The following SLC22A14 variants were observed in gnomAD, a reference collection of about 807,000 sequenced individuals.
SLC22A14 encodes organic cation transporter-like 4.
SLC22A14 carries 50 observed loss-of-function variants against 53.9 expected under a neutral mutation model. That is an observed-to-expected ratio of 0.93 (90% CI 0.74 to 1.17). SLC22A14 has a LOEUF of 1.17. Ranked by LOEUF, SLC22A14 falls within the 50% of genes most tolerant of loss-of-function variation. The probability of loss-of-function intolerance (pLI) is 0.00; values close to 1 mark genes in which losing one functional copy is unlikely to be tolerated. For missense variants in SLC22A14, 671 were observed against 734.7 expected (o/e 0.91, Z 1.00); for synonymous variants, 312 against 303.0 (o/e 1.03, Z -0.31).
In SLC22A14 at chr3:38,306,276, A is replaced by G. The variant is rs1384062550; in HGVS notation, c.250A>G (p.Met84Val). The G allele has an allele frequency of 6.2e-7, 1 of 1,614,110 alleles. No homozygotes were observed. The highest frequency in any genetic ancestry group is 1.3e-5 in the African/African-American group (1 of 74,988). The change falls in exon 2 of 11, where the codon ATG becomes GTG. Residue 84 changes from methionine to valine, a missense_variant. Transcript: ENST00000448498. ...FIPSIMSAFF[M>V]FADHFVFTAQ... ...CCCCAGCATCATGTCGGCCTTCTTC[A>G]TGTTTGCTGACCACTTCGTGTTCAC...
rs1263804422 is a variant in SLC22A14 at position 38,308,857 on chromosome 3, G to C, written c.776-97G>C. The C allele has an allele frequency of 2.7e-6, 3 of 1,115,952 alleles. No individual in the cohort carries two copies. The South Asian group carries it at 4.2e-5, about 15-fold the overall frequency. 69.1% of individuals were successfully genotyped at this position (1,115,952 alleles called of 1,614,324 possible). On this transcript the variant is annotated intron_variant, in intron 4 of 10. Transcript: ENST00000448498. ...GAAGAAGCTTTGCCTGATCTCAACTGTCCAGAGCAGGTGGGGACACCCAGC... is the reference window on the plus strand; with the variant it reads ...GAAGAAGCTTTGCCTGATCTCAACTCTCCAGAGCAGGTGGGGACACCCAGC...
rs184944991 is a variant in SLC22A14, at chr3:38,288,448, A to C, written c.-1+6109A>C. Among the ~76,000 whole-genome samples, 240 of 152,348 alleles carry C rather than the reference A, an allele frequency of 1.6e-3. 1 individual carries two copies. The highest frequency in any genetic ancestry group is 5.5e-3 in the African/African-American group (229 of 41,568). The stretch of plus-strand genomic sequence containing the variant: ...TTTCAATTCTTTTGTGTATGTACCC[A>C]GAATTAGATTGTTGGATCAAATGGT... On this transcript the variant is annotated intron_variant, in intron 1 of 10. Coordinates refer to ENST00000448498, the MANE Select transcript of SLC22A14 (RefSeq NM_001320033.2).
chr3:38,279,517 G>A (rs894771933), upstream of SLC22A14, among the ~76,000 whole-genome samples: 9 of 152,198 alleles, frequency 5.9e-5, no homozygotes, highest in African/African-American at 1.4e-4. Flanking sequence ...TCCTGAACTC[G>A]TGATCCGCCC....
At chr3:38,299,902 A>G (rs1376830813) in intron 1 of SLC22A14, among the ~76,000 whole-genome samples, 1 of 152,198 alleles carries the variant, frequency 6.6e-6, no homozygotes, top group Non-Finnish European at 1.5e-5. Context: ...TTATTCAACC[A>G]GCCTCCTATG....
intron 1 of SLC22A14, among the ~76,000 whole-genome samples, chr3:38,282,864 C>T (rs1474749166): frequency 6.6e-6 from 1 of 152,206 alleles, no homozygotes; most frequent in African/African-American, 2.4e-5. Context: ...TCCAGCCTTA[C>T]ACACATACAT....
intron 1 of SLC22A14, among the ~76,000 whole-genome samples, chr3:38,283,474 CAA>C (rs755703283): frequency 6.6e-6 from 1 of 152,052 alleles, no homozygotes; most frequent in Non-Finnish European, 1.5e-5. Flanking sequence ...AGGCAGGAGG[CAA>C]AGACAAGTGA....
chr3:38,313,328 G>C, intron 6 of SLC22A14, 60 bp from the exon 7 acceptor site: 1 of 1,435,082 alleles, frequency 7.0e-7, no homozygotes, highest in Admixed American at 1.7e-5. Context: ...GGGTGCTGTG[G>C]GGCTGGGGAG....
chr3:38,311,962 T>C (rs1210615086), intron 5 of SLC22A14, among the ~76,000 whole-genome samples: 1 of 152,176 alleles, frequency 6.6e-6, no homozygotes, highest in Non-Finnish European at 1.5e-5. Context: ...GAAGTCTCAG[T>C]TTAATGGCTT....
At chr3:38,310,718 C>A (rs1282946025) in intron 5 of SLC22A14, among the ~76,000 whole-genome samples, 1 of 152,158 alleles carries the variant, frequency 6.6e-6, no homozygotes, top group African/African-American at 2.4e-5. Flanking sequence ...CCTCCCTCAG[C>A]TCCTGTCCCT....
At chr3:38,310,297 G>A (rs1419014230) in intron 5 of SLC22A14, among the ~76,000 whole-genome samples, 1 of 152,158 alleles carries the variant, frequency 6.6e-6, no homozygotes, top group Non-Finnish European at 1.5e-5. Context: ...AGGATCACTT[G>A]AGCCCAGGAG....
chr3:38,311,128 G>A (rs1704456747), intron 5 of SLC22A14, among the ~76,000 whole-genome samples: 1 of 152,192 alleles, frequency 6.6e-6, no homozygotes, highest in African/African-American at 2.4e-5. Context: ...GTAGATGAGA[G>A]TTGTATGGGG....
At chr3:38,311,894 T>C in intron 5 of SLC22A14, among the ~76,000 whole-genome samples, 1 of 152,226 alleles carries the variant, frequency 6.6e-6, no homozygotes, top group South Asian at 2.1e-4. Flanking sequence ...AGAGTTGGTA[T>C]CCTTTTCTTA....
Position 38,318,523 on chromosome 3 carries a change from C to G in SLC22A14, c.*274C>G. 2.4e-6 allele frequency: 1 copy of G among 418,252 alleles called. No individual in the cohort carries two copies. The allele number at this position is 418,252 out of a possible 1,614,324, so 25.9% of individuals were successfully genotyped here. A position where few individuals can be genotyped will look rare whatever the true frequency, so the allele number is the denominator to read the frequency against. On this transcript the variant is annotated 3_prime_UTR_variant, in exon 11 of 11. Transcript: ENST00000448498. ...ACATTAAAAAAAATGCCCCCTCCTT[C>G]TGCAGGAGCTCTGCTGTGATTCATT...
chr3:38,291,407 A>G (rs1703911121), intron 1 of SLC22A14, among the ~76,000 whole-genome samples: 1 of 152,228 alleles, frequency 6.6e-6, no homozygotes, highest in Non-Finnish European at 1.5e-5. Context: ...CAGTTGCGGC[A>G]CTGGCCCTTC....
At chr3:38,298,439 TATCTATC>T (rs1181548682) in intron 1 of SLC22A14, among the ~76,000 whole-genome samples, 2 of 151,846 alleles carry the variant, frequency 1.3e-5, no homozygotes, top group East Asian at 1.9e-4. Context: ...TCTATCTATC[TATCTATC>T]TATCTATCTA....
At chr3:38,315,452 C>A in intron 8 of SLC22A14, 106 bp from the exon 9 acceptor site, 1 of 1,207,012 alleles carries the variant, frequency 8.3e-7, no homozygotes, top group Non-Finnish European at 1.2e-6. Flanking sequence ...TGACAGAATG[C>A]CTGAGCCTGC....
rs193188068 is a variant in SLC22A14 at position 38,291,404 on chromosome 3, G to A, written c.-1+9065G>A. ...AAGAGTTGCACAAGTGCACAGTTGC[G>A]GCACTGGCCCTTCAAGTAATAGAGG... On this transcript the variant is annotated intron_variant, in intron 1 of 10. Transcript: ENST00000448498. Among the ~76,000 whole-genome samples the A allele has an allele frequency of 9.2e-5, 14 of 152,314 alleles. No individual in the cohort carries two copies. In the East Asian group the frequency reaches 1.7e-3, roughly 19 times the overall value.
rs776179623 is a variant in SLC22A14 at position 38,307,574 on chromosome 3, G to A, written c.629G>A (p.Arg210His). 5.4e-5 allele frequency: 87 copies of A among 1,613,774 alleles called. No individual in the cohort carries two copies. The East Asian group carries it at 1.6e-3, about 30-fold the overall frequency. ...IFRLITDKMG[R>H]YPAILLSLLG... ...CCCTTTGACACCTGTAGGATGGGCC[G>A]CTACCCTGCCATCCTGCTGTCACTG... Residue 210 changes from arginine (R) to histidine (H), a missense_variant, in exon 4 of 11, where the codon CGC becomes CAC. Physicochemically the swap from Arg to His is conservative, Grantham distance 29. Transcript: ENST00000448498. The surrounding 1 kb of genome is among the most constrained non-coding windows in gnomAD (Gnocchi z 4.4).
rs189897997 is a variant in SLC22A14, at chr3:38,294,704, G to C, written c.1-11323G>C. Among the ~76,000 whole-genome samples the C allele has an allele frequency of 1.8e-3, 281 of 152,138 alleles. 3 individuals are homozygous for C. Among genetic ancestry groups the C allele is most frequent in the African/African-American group, 6.4e-3 (264 of 41,504 alleles). ...GCTTATTGGATTAGTTATGCTCACC[G>C]ATGTAGCAGTCCTGCACCTGTTTTC... is the stretch of plus-strand genomic sequence containing the variant. On this transcript the variant is annotated intron_variant, in intron 1 of 10. Coordinates refer to ENST00000448498, the MANE Select transcript of SLC22A14 (RefSeq NM_001320033.2).
Sources: allele counts gnomAD v4.1 joint callset (sites outside exome capture counted in the v4.1 genomes callset), GRCh38; gene constraint gnomAD v4.1.1; non-coding constraint Gnocchi (gnomAD v3.1); transcripts MANE v1.5; gene names NCBI Gene and HGNC (gene_info 2026-07-23, HGNC 2026-07-21).